ERBB4: variants seen among roughly 807,000 people sequenced by gnomAD.
The protein encoded by ERBB4 is receptor tyrosine-protein kinase erbB-4.
In ERBB4, 42 loss-of-function variants were observed where a neutral mutation model predicts 158.0. The ratio of observed to expected loss-of-function variants is 0.27; its 90% CI spans 0.21 to 0.34. ERBB4 has a LOEUF of 0.34. Among genes scored for constraint, ERBB4 ranks in the 10% least tolerant of loss-of-function variants. The probability of loss-of-function intolerance (pLI) is 1.00; values close to 1 mark genes in which losing one functional copy is unlikely to be tolerated. For synonymous variants in ERBB4, 583 were observed against 558.7 expected (o/e 1.04, Z -0.61); for missense variants, 1,333 against 1,624.1 (o/e 0.82, Z 3.08).
chr2:212,278,080 T>C (rs532554814), intron 1 of ERBB4, among the ~76,000 whole-genome samples: 1 of 151,866 alleles, frequency 6.6e-6, no homozygotes, highest in South Asian at 2.1e-4. Context: ...GCTAATATTG[T>C]TAAATAGAAC....
chr2:211,702,947 CT>C (rs1400707999), intron 11 of ERBB4, among the ~76,000 whole-genome samples: 1 of 152,004 alleles, frequency 6.6e-6, no homozygotes, highest in Non-Finnish European at 1.5e-5. Context: ...TACTTATTTA[CT>C]TTTTTTTACT....
chr2:211,964,408 T>C (rs763347038), intron 2 of ERBB4, among the ~76,000 whole-genome samples: 1 of 152,198 alleles, frequency 6.6e-6, no homozygotes, highest in Non-Finnish European at 1.5e-5. Context: ...CAGATGTTTT[T>C]TCGGAATTAC....
intron 2 of ERBB4, among the ~76,000 whole-genome samples, chr2:211,996,314 C>T (rs1053917754): frequency 1.3e-5 from 2 of 150,966 alleles, no homozygotes; most frequent in Non-Finnish European, 3.0e-5. Context: ...AAACATTATC[C>T]TTGTTTTATT....
intron 1 of ERBB4, among the ~76,000 whole-genome samples, chr2:212,191,316 C>T (rs576286786): frequency 1.3e-5 from 2 of 151,758 alleles, no homozygotes; most frequent in Non-Finnish European, 2.9e-5. Context: ...TGAGAACCAC[C>T]GATTTAACGA....
At chr2:211,564,850 C>G (rs967042450) in intron 19 of ERBB4, among the ~76,000 whole-genome samples, 1 of 152,050 alleles carries the variant, frequency 6.6e-6, no homozygotes, top group African/African-American at 2.4e-5. Flanking sequence ...AAAGGTGACC[C>G]AAGAAGATGG....
chr2:211,393,761 G>A (rs1386687883), intron 25 of ERBB4, among the ~76,000 whole-genome samples: 3 of 148,152 alleles, frequency 2.0e-5, no homozygotes, highest in Admixed American at 6.7e-5. Flanking sequence ...GTGTGTGTGT[G>A]TGTGTGTGTG....
intron 2 of ERBB4, among the ~76,000 whole-genome samples, chr2:212,003,208 AGAAAGAAGGAAGGAAGGAAG>A (rs1280632630): frequency 1.9e-4 from 7 of 36,692 alleles, no homozygotes; most frequent in Non-Finnish European, 3.5e-4. Flanking sequence ...AAAGAAAGAC[AGAAAGAAGGAAGGAAGGAAG>A]GAAGGAAGGA....
At chr2:212,433,511 T>C (rs1012794655) in intron 1 of ERBB4, among the ~76,000 whole-genome samples, 3 of 151,956 alleles carry the variant, frequency 2.0e-5, no homozygotes, top group Non-Finnish European at 4.4e-5. Flanking sequence ...ATATTCACAT[T>C]TAAAAATTGC....
intron 1 of ERBB4, among the ~76,000 whole-genome samples, chr2:212,300,061 C>T (rs1332290837): frequency 6.6e-6 from 1 of 151,538 alleles, no homozygotes; most frequent in Non-Finnish European, 1.5e-5. Context: ...AAAGTCATTA[C>T]ATCAGCGAAT....
At chr2:211,528,867 A>C (rs1271749992) in intron 20 of ERBB4, among the ~76,000 whole-genome samples, 1 of 151,952 alleles carries the variant, frequency 6.6e-6, no homozygotes, top group East Asian at 1.9e-4. Context: ...AGTACTAAGA[A>C]GAAATTTTAC....
At chr2:212,191,324 C>T (rs1053164668) in intron 1 of ERBB4, among the ~76,000 whole-genome samples, 11 of 152,046 alleles carry the variant, frequency 7.2e-5, no homozygotes, top group Middle Eastern at 3.4e-3. Context: ...ACCGATTTAA[C>T]GAATCATCCA....
At chr2:211,421,330 C>T (rs2063510255) in intron 24 of ERBB4, among the ~76,000 whole-genome samples, 1 of 151,910 alleles carries the variant, frequency 6.6e-6, no homozygotes, top group South Asian at 2.1e-4. Context: ...TAAAGGCTAC[C>T]TTGCTTTACT....
At chr2:212,002,657 T>C (rs1311701378) in intron 2 of ERBB4, among the ~76,000 whole-genome samples, 1 of 152,012 alleles carries the variant, frequency 6.6e-6, no homozygotes, top group South Asian at 2.1e-4. Flanking sequence ...TAGAAGAAAG[T>C]TTAAAATAAA....
intron 23 of ERBB4, among the ~76,000 whole-genome samples, chr2:211,423,187 G>A (rs1205557774): frequency 6.6e-6 from 1 of 151,920 alleles, no homozygotes; most frequent in Non-Finnish European, 1.5e-5. Flanking sequence ...TGAGGTATCG[G>A]TTTCTTTCCA....
intron 3 of ERBB4, among the ~76,000 whole-genome samples, chr2:211,946,613 A>T (rs2080704879): frequency 1.4e-5 from 1 of 69,526 alleles, no homozygotes; most frequent in Admixed American, 2.4e-4. Context: ...TTTGAGATGG[A>T]GTTTCGCTGT....
At chr2:212,415,850 T>C (rs1560260213) in intron 1 of ERBB4, among the ~76,000 whole-genome samples, 1 of 152,168 alleles carries the variant, frequency 6.6e-6, no homozygotes, top group Non-Finnish European at 1.5e-5. Context: ...GAATGACTTT[T>C]TATTTGGAAC....
chr2:212,363,114 T>A (rs537796177), intron 1 of ERBB4, among the ~76,000 whole-genome samples: 31 of 151,562 alleles, frequency 2.0e-4, no homozygotes, highest in South Asian at 1.2e-3. Context: ...ATTTACATGA[T>A]GTAATATTAC....
rs143434832 is a variant in ERBB4, at chr2:212,246,373, A to G, written c.83-121470T>C. On this transcript the variant is annotated intron_variant, in intron 1 of 27. Coordinates refer to ENST00000342788, the MANE Select transcript of ERBB4 (RefSeq NM_005235.3). ...GAGGTAAAATCTATTCACTGAGTGT[A>G]CTATTCCTTCTCAAAAAATAACTAG... is the stretch of plus-strand genomic sequence containing the variant. Among the ~76,000 whole-genome samples the G allele has an allele frequency of 1.7e-4, 26 of 152,348 alleles. No individual in the cohort carries two copies. In the East Asian group the frequency reaches 4.8e-3, roughly 28 times the overall value.
chr2:211,476,755 A>C (rs1447829262), intron 20 of ERBB4, among the ~76,000 whole-genome samples: 1 of 152,078 alleles, frequency 6.6e-6, no homozygotes, highest in Non-Finnish European at 1.5e-5. Flanking sequence ...ACAAAAGAAA[A>C]ACCTGAATTT....
Sources: gnomAD v4.1 joint callset for allele counts (sites outside exome capture counted in the v4.1 genomes callset) on GRCh38, gnomAD v4.1.1 for gene constraint, MANE v1.5 for transcripts, NCBI Gene and HGNC (gene_info 2026-07-23, HGNC 2026-07-21) for gene names.